Variants in RTKN2 observed in about 807,000 individuals in gnomAD.
The protein encoded by RTKN2 is rhotekin 2.
Under a neutral mutation model 71.5 loss-of-function variants are expected in RTKN2, and 69 were observed. The observed-to-expected ratio is 0.96, with a 90% confidence interval of 0.79 to 1.18. RTKN2 has a LOEUF of 1.18. Among genes scored for constraint, RTKN2 ranks in the 50% most tolerant of loss-of-function variants. The probability of loss-of-function intolerance (pLI) is 0.00; values close to 1 mark genes in which losing one functional copy is unlikely to be tolerated. For missense variants in RTKN2, 724 were observed against 719.7 expected, an observed-to-expected ratio of 1.01 and a Z score of -0.07; for synonymous variants, 236 against 236.5, an observed-to-expected ratio of 1.00 and a Z score of 0.02.
At chr10:62,236,973 G>A (rs1842272245) in intron 5 of RTKN2, among the ~76,000 whole-genome samples, 1 of 151,866 alleles carries the variant, frequency 6.6e-6, no homozygotes, top group African/African-American at 2.4e-5. Flanking sequence ...CAAGGACTGG[G>A]GGAGAGGAAA....
intron 2 of RTKN2, among the ~76,000 whole-genome samples, chr10:62,246,578 T>G (rs889316520): frequency 6.6e-6 from 1 of 151,986 alleles, no homozygotes; most frequent in Non-Finnish European, 1.5e-5. Flanking sequence ...TTCCCCAAGA[T>G]TCCAAAGAAC....
At chr10:62,209,738 A>C (rs904430606) in intron 9 of RTKN2, among the ~76,000 whole-genome samples, 24 of 152,010 alleles carry the variant, frequency 1.6e-4, no homozygotes, top group African/African-American at 5.8e-4. Context: ...TTCCTGTGTT[A>C]GTTTGCTAAG....
chr10:62,191,300 C>T (rs956293956), downstream of RTKN2, among the ~76,000 whole-genome samples: 11 of 152,036 alleles, frequency 7.2e-5, no homozygotes, highest in African/African-American at 2.2e-4. Flanking sequence ...CCACACATGG[C>T]TATGTTTTAA....
intron 10 of RTKN2, among the ~76,000 whole-genome samples, chr10:62,203,237 G>GAAC (rs1490974923): frequency 3.9e-5 from 6 of 152,160 alleles, no homozygotes; most frequent in Non-Finnish European, 7.3e-5. Context: ...TTATAAGACG[G>GAAC]ATTCTCTAAG....
chr10:62,225,257 T>C (rs1841996919), intron 6 of RTKN2, among the ~76,000 whole-genome samples: 1 of 152,260 alleles, frequency 6.6e-6, no homozygotes, highest in Non-Finnish European at 1.5e-5. Context: ...TTTCAGTCTC[T>C]GTGAGAAGGT....
chr10:62,216,416 A>G (rs1841770319), intron 9 of RTKN2, among the ~76,000 whole-genome samples: 1 of 152,076 alleles, frequency 6.6e-6, no homozygotes, highest in Admixed American at 6.5e-5. Context: ...AAATGAGGAA[A>G]GAAAAATCCT....
In RTKN2 at chr10:62,193,509, G is replaced by A; in HGVS notation, c.*4399C>T. 1.0e-6 allele frequency: 1 copy of A among 981,982 alleles called. No homozygotes were observed. Among genetic ancestry groups the A allele is most frequent in the Non-Finnish European group, 1.2e-6 (1 of 826,874 alleles). The allele number at this position is 981,982 out of a possible 1,614,324, so 60.8% of individuals were successfully genotyped here. A position where few individuals can be genotyped will look rare whatever the true frequency, so the allele number is the denominator to read the frequency against. ...GTTTCTCTAAGCACATTGATTAGTAGGCCTCTCTCTGTAAAGTATTTTTTT... is the reference window on the plus strand; with the variant it reads ...GTTTCTCTAAGCACATTGATTAGTAAGCCTCTCTCTGTAAAGTATTTTTTT... On this transcript the variant is annotated 3_prime_UTR_variant, in exon 12 of 12. Transcript: ENST00000373789.
At position 62,196,643 on chromosome 10, in the gene RTKN2, A is replaced by C. The variant is rs1010282515; in HGVS notation, c.*1265T>G. ...GATCTCAAGAGATTATACACAGGGC[A>C]GCAATTTAATTCTTAAATTTTTATT... On this transcript the variant is annotated 3_prime_UTR_variant, in exon 12 of 12. Transcript: ENST00000373789. 10 of 984,714 alleles carry C rather than the reference A, an allele frequency of 1.0e-5. No individual in the cohort carries two copies. Among genetic ancestry groups the C allele is most frequent in the Middle Eastern group, 5.2e-4 (1 of 1,934 alleles). 61.0% of individuals were successfully genotyped at this position (984,714 alleles called of 1,614,324 possible).
chr10:62,241,450 CCTTA>C lies in RTKN2; in HGVS notation c.317-259_317-256del, dbSNP rs527982396. On this transcript the variant is annotated intron_variant, in intron 3 of 11. Coordinates refer to ENST00000373789, the MANE Select transcript of RTKN2 (RefSeq NM_145307.4). ...CTAACTCCATATATATCTGTTTCTT[CCTTA>C]CTGATTAATTATGACATCTTTATCA... is the stretch of plus-strand genomic sequence containing the variant. Among the ~76,000 whole-genome samples, 16 of 152,272 alleles carry C rather than the reference CCTTA, an allele frequency of 1.1e-4. No homozygotes were observed. The South Asian group carries it at 2.3e-3, about 22-fold the overall frequency.
In RTKN2 at chr10:62,217,161, A is replaced by G. The variant is rs779474142; in HGVS notation, c.977T>C (p.Ile326Thr). Residue 326 changes from isoleucine (I) to threonine (T), a missense_variant, in exon 9 of 12, where the codon ATT becomes ACT. Physicochemically the swap from Ile to Thr is moderately conservative, Grantham distance 89. Coordinates refer to ENST00000373789, the MANE Select transcript of RTKN2 (RefSeq NM_145307.4). ...CAAAGCTGGTTCCACTTTAGCTTCA[A>G]TTTCCTCTGGACTGTAAAAACAATA... ...KLYCFYSPEE[I>T]EAKVEPALVV... The G allele has an allele frequency of 3.8e-6, 6 of 1,595,430 alleles. No homozygotes were observed. The highest frequency in any genetic ancestry group is 4.5e-5 in the East Asian group (2 of 44,414).
At chr10:62,214,457 C>CAGT (rs1841725516) in intron 9 of RTKN2, among the ~76,000 whole-genome samples, 1 of 152,152 alleles carries the variant, frequency 6.6e-6, no homozygotes, top group South Asian at 2.1e-4. Flanking sequence ...AGTCATCTTA[C>CAGT]AATGCCACTG....
At chr10:62,217,523 G>A (rs1841799961) in intron 8 of RTKN2, among the ~76,000 whole-genome samples, 1 of 152,078 alleles carries the variant, frequency 6.6e-6, no homozygotes, top group African/African-American at 2.4e-5. Context: ...ATAGATCAAT[G>A]GTGTTTTAGA....
chr10:62,244,720 A>AGAAT (rs1203777982), intron 3 of RTKN2, among the ~76,000 whole-genome samples: 3 of 152,222 alleles, frequency 2.0e-5, no homozygotes, highest in African/African-American at 7.2e-5. Flanking sequence ...ACAAGGATAA[A>AGAAT]ACATGTTTTG....
rs1166882831 is a variant in RTKN2 at position 62,194,594 on chromosome 10, T to C, written c.*3314A>G. On this transcript the variant is annotated 3_prime_UTR_variant, in exon 12 of 12. Transcript: ENST00000373789. Reference sequence around the variant, plus strand: ...AATGCAGTACTCTGTCCATGTAGTATAGTTGTGCCTCATTCGTGGTAACAC... The same window carrying C: ...AATGCAGTACTCTGTCCATGTAGTACAGTTGTGCCTCATTCGTGGTAACAC... 1.8e-5 allele frequency: 18 copies of C among 985,334 alleles called. No homozygotes were observed. The highest frequency in any genetic ancestry group is 3.6e-6 in the Non-Finnish European group (3 of 829,942). 61.0% of individuals were successfully genotyped at this position (985,334 alleles called of 1,614,324 possible). A position where few individuals can be genotyped will look rare whatever the true frequency, so the allele number is the denominator to read the frequency against.
intron 10 of RTKN2, 143 bp downstream of exon 10, chr10:62,204,714 A>G (rs983040488): frequency 2.0e-6 from 1 of 508,282 alleles, no homozygotes; most frequent in South Asian, 3.7e-5. Flanking sequence ...AAGAAGCATC[A>G]GTGCATTGAT....
intron 6 of RTKN2, among the ~76,000 whole-genome samples, chr10:62,230,215 A>G (rs1166019567): frequency 1.3e-5 from 2 of 151,726 alleles, no homozygotes; most frequent in East Asian, 3.9e-4. Flanking sequence ...CTTGTTGCCC[A>G]GGTTGGTGTG....
chr10:62,247,809 G>C (rs1162859707), intron 2 of RTKN2, among the ~76,000 whole-genome samples: 3 of 151,962 alleles, frequency 2.0e-5, no homozygotes, highest in Non-Finnish European at 2.9e-5. Context: ...GTTGGCATTT[G>C]AAAGTAATAT....
intron 6 of RTKN2, among the ~76,000 whole-genome samples, chr10:62,234,482 C>T (rs1842214228): frequency 7.4e-6 from 1 of 134,366 alleles, no homozygotes; most frequent in African/African-American, 2.9e-5. Context: ...GGCAACAGAT[C>T]CAGACTTGTC....
chr10:62,239,680 G>C lies in RTKN2; in HGVS notation c.456C>G (p.Ile152Met). ...TTACATTTTCAAAACATATATCTGT[G>C]ATTGTTTTATCCACATTCACCACAT... ...DTDVVNVDKT[I>M]TDICFENVTI... The change falls in exon 5 of 12, where the codon ATC becomes ATG. Residue 152 changes from isoleucine to methionine, a missense_variant. Ile to Met is a conservative substitution (Grantham distance 10). Transcript: ENST00000373789. The C allele has an allele frequency of 6.5e-7, 1 of 1,542,478 alleles. No individual in the cohort carries two copies. Among genetic ancestry groups the C allele is most frequent in the Non-Finnish European group, 8.9e-7 (1 of 1,129,806 alleles).
Sources: gnomAD v4.1 joint callset for allele counts (sites outside exome capture counted in the v4.1 genomes callset) on GRCh38, gnomAD v4.1.1 for gene constraint, MANE v1.5 for transcripts, NCBI Gene and HGNC (gene_info 2026-07-23, HGNC 2026-07-21) for gene names.